PIK3R3: variants seen among roughly 807,000 people sequenced by gnomAD.
PIK3R3 encodes the protein phosphatidylinositol 3-kinase regulatory subunit gamma.
In PIK3R3, 64 loss-of-function variants were observed where a neutral mutation model predicts 62.9. The ratio of observed to expected loss-of-function variants is 1.02; its 90% CI spans 0.83 to 1.25. The LOEUF is 1.25. PIK3R3 is among the 50% of genes most tolerant of loss of function. The pLI is 0.00. For synonymous variants in PIK3R3, 165 were observed against 189.0 expected (o/e 0.87, Z 1.04); for missense variants, 614 against 561.6 (o/e 1.09, Z -0.94).
At chr1:46,067,332 T>C (rs2149397760) in intron 3 of PIK3R3, among the ~76,000 whole-genome samples, 1 of 149,314 alleles carries the variant, frequency 6.7e-6, no homozygotes, top group East Asian at 2.0e-4. Flanking sequence ...AAGGTCAACA[T>C]ATCTACACAG....
chr1:46,083,461 A>G lies in PIK3R3; in HGVS notation c.107-2711T>C, dbSNP rs547670817. 1.7e-3 allele frequency among the ~76,000 whole-genome samples: 266 copies of G among 152,330 alleles called. 1 individual carries two copies. The highest frequency in any genetic ancestry group is 2.8e-3 in the Non-Finnish European group (190 of 68,034). On this transcript the variant is annotated intron_variant, in intron 1 of 9. Coordinates refer to ENST00000262741, the MANE Select transcript of PIK3R3 (RefSeq NM_003629.4). ...CACCAAGAAAGTGAAGAGACAACCT[A>G]TAGCATGGGAGAACGTTTTTGTAAG...
chr1:46,118,701 G>A (rs1282311993), intron 1 of PIK3R3, among the ~76,000 whole-genome samples: 4 of 151,218 alleles, frequency 2.6e-5, no homozygotes, highest in Non-Finnish European at 4.4e-5. Flanking sequence ...GATTATAGGC[G>A]CCCACCACCA....
chr1:46,084,641 T>C (rs1019147317), intron 1 of PIK3R3, among the ~76,000 whole-genome samples: 4 of 152,202 alleles, frequency 2.6e-5, no homozygotes, highest in African/African-American at 9.6e-5. Flanking sequence ...CAGTGTAAAC[T>C]TGTGCTATAC....
intron 3 of PIK3R3, among the ~76,000 whole-genome samples, chr1:46,071,685 G>A (rs1649498662): frequency 1.9e-5 from 1 of 51,896 alleles, no homozygotes; most frequent in Non-Finnish European, 3.5e-5. Context: ...AACAGAGCAA[G>A]ACTCTGTCTC....
chr1:46,168,823 T>C, the PIK3R3 span, among the ~76,000 whole-genome samples: 1 of 152,040 alleles, frequency 6.6e-6, no homozygotes, highest in Non-Finnish European at 1.5e-5. Flanking sequence ...TCCCAGAAAG[T>C]GAAGAAGCCC....
At position 46,123,591 on chromosome 1, in the gene PIK3R3, G is replaced by A. The variant is rs1040867734; in HGVS notation, c.106+8256C>T. ...AGAACTAACCTGTCTGAAGAATTTG[G>A]GACAAACTTATAGTGAGGGGTAGAA... On this transcript the variant is annotated intron_variant, in intron 1 of 9. Transcript: ENST00000262741. 3.9e-5 allele frequency among the ~76,000 whole-genome samples: 6 copies of A among 152,074 alleles called. No homozygotes were observed. The East Asian group carries it at 9.6e-4, about 24-fold the overall frequency.
intron 1 of PIK3R3, among the ~76,000 whole-genome samples, chr1:46,117,650 G>A (rs538756415): frequency 6.6e-6 from 1 of 152,222 alleles, no homozygotes; most frequent in South Asian, 2.1e-4. Context: ...GGGAGGCTGA[G>A]GTAAGAGGAT....
chr1:46,096,125 T>C (rs1327897203), intron 1 of PIK3R3, among the ~76,000 whole-genome samples: 1 of 152,162 alleles, frequency 6.6e-6, no homozygotes, highest in South Asian at 2.1e-4. Flanking sequence ...CCAGCTGGAG[T>C]ATAGAATGAG....
At chr1:46,108,081 CT>C (rs1653381404) in intron 1 of PIK3R3, among the ~76,000 whole-genome samples, 1 of 152,156 alleles carries the variant, frequency 6.6e-6, no homozygotes, top group African/African-American at 2.4e-5. Flanking sequence ...GGTTTTGTAT[CT>C]TTTCATCATT....
intron 7 of PIK3R3, among the ~76,000 whole-genome samples, chr1:46,053,289 G>C (rs528079857): frequency 6.6e-6 from 1 of 151,664 alleles, no homozygotes; most frequent in Non-Finnish European, 1.5e-5. Flanking sequence ...GGTTTTTTTT[G>C]GTGTGTATGG....
chr1:46,160,680 T>C, the PIK3R3 span, among the ~76,000 whole-genome samples: 1 of 152,236 alleles, frequency 6.6e-6, no homozygotes, highest in Non-Finnish European at 1.5e-5. Flanking sequence ...CCTCTATCCT[T>C]AATCCCGTAA....
At chr1:46,171,515 G>A in the PIK3R3 span, among the ~76,000 whole-genome samples, 1 of 152,204 alleles carries the variant, frequency 6.6e-6, no homozygotes, top group Admixed American at 6.5e-5. Flanking sequence ...GGCCGGAAGT[G>A]GGGGTGTGGG....
At chr1:46,157,522 C>A in the PIK3R3 span, among the ~76,000 whole-genome samples, 6 of 152,302 alleles carry the variant, frequency 3.9e-5, no homozygotes, top group South Asian at 6.2e-4. Context: ...TTTTTAATTT[C>A]TTCAGCTGGA....
At chr1:46,076,199 C>T (rs1650050219) in intron 3 of PIK3R3, among the ~76,000 whole-genome samples, 1 of 152,086 alleles carries the variant, frequency 6.6e-6, no homozygotes, top group African/African-American at 2.4e-5. Context: ...AATTAATCAT[C>T]ACATATATTA....
chr1:46,123,661 C>T (rs1654859027), intron 1 of PIK3R3, among the ~76,000 whole-genome samples: 1 of 152,144 alleles, frequency 6.6e-6, no homozygotes, highest in South Asian at 2.1e-4. Context: ...TGGTTAAGAA[C>T]CTGGGCTTTA....
chr1:46,162,922 C>T, the PIK3R3 span, among the ~76,000 whole-genome samples: 1 of 152,198 alleles, frequency 6.6e-6, no homozygotes, highest in East Asian at 1.9e-4. Flanking sequence ...CATGCCCGAC[C>T]GCACTGTTTA....
At chr1:46,049,816 T>TA (rs369486259) in intron 7 of PIK3R3, among the ~76,000 whole-genome samples, 49 of 147,786 alleles carry the variant, frequency 3.3e-4, no homozygotes, top group East Asian at 1.4e-3. Context: ...TAAATTTAAT[T>TA]AAAAAAAAAA....
At chr1:46,060,112 A>T (rs1648342283) in intron 6 of PIK3R3, among the ~76,000 whole-genome samples, 1 of 151,952 alleles carries the variant, frequency 6.6e-6, no homozygotes, top group Admixed American at 6.6e-5. Flanking sequence ...AAATAAATAA[A>T]TAAAACAAAA....
At chr1:46,072,690 C>A (rs1356123600) in intron 3 of PIK3R3, among the ~76,000 whole-genome samples, 1 of 152,112 alleles carries the variant, frequency 6.6e-6, no homozygotes, top group African/African-American at 2.4e-5. Flanking sequence ...GTGGCTCATG[C>A]CTGTAATCCC....
Sources: gnomAD v4.1 joint callset for allele counts (sites outside exome capture counted in the v4.1 genomes callset) on GRCh38, gnomAD v4.1.1 for gene constraint, MANE v1.5 for transcripts, NCBI Gene and HGNC (gene_info 2026-07-23, HGNC 2026-07-21) for gene names.